PTPRB: variants seen among roughly 807,000 people sequenced by gnomAD.
PTPRB encodes receptor-type tyrosine-protein phosphatase beta.
In PTPRB, 97 loss-of-function variants were observed where a neutral mutation model predicts 238.1. The observed-to-expected ratio is 0.41, with a 90% confidence interval of 0.35 to 0.48. The LOEUF (loss-of-function observed/expected upper bound fraction) is 0.48. Ranked by LOEUF, PTPRB falls within the 20% of genes least tolerant of loss-of-function variation. PTPRB has a pLI of 0.30. For missense variants in PTPRB, 2,292 were observed against 2,681.9 expected, an observed-to-expected ratio of 0.85 and a Z score of 3.21; for synonymous variants, 970 against 995.4, an observed-to-expected ratio of 0.97 and a Z score of 0.48.
At chr12:70,584,279 T>C (rs1174611207) in intron 9 of PTPRB, among the ~76,000 whole-genome samples, 1 of 152,136 alleles carries the variant, frequency 6.6e-6, no homozygotes, top group Non-Finnish European at 1.5e-5. Flanking sequence ...GATGTGTTCA[T>C]ATATGTGTGT....
intron 16 of PTPRB, among the ~76,000 whole-genome samples, chr12:70,561,570 C>T (rs1248848469): frequency 6.6e-6 from 1 of 152,132 alleles, no homozygotes; most frequent in Non-Finnish European, 1.5e-5. Context: ...GGGTGGGTTG[C>T]CTCAGAAATG....
chr12:70,625,571 T>C (rs1566022580), intron 2 of PTPRB, among the ~76,000 whole-genome samples: 2 of 152,032 alleles, frequency 1.3e-5, no homozygotes, highest in Non-Finnish European at 2.9e-5. Flanking sequence ...TTTTATCTCC[T>C]GAACTCTTTG....
At chr12:70,593,124 G>T (rs879721217) in intron 6 of PTPRB, among the ~76,000 whole-genome samples, 14 of 152,160 alleles carry the variant, frequency 9.2e-5, no homozygotes, top group Non-Finnish European at 1.8e-4. Context: ...TAAAGTTAAT[G>T]AGTTGTGTTA....
chr12:70,549,886 C>G (rs1411678296), intron 21 of PTPRB, among the ~76,000 whole-genome samples: 1 of 148,136 alleles, frequency 6.8e-6, no homozygotes, highest in Non-Finnish European at 1.5e-5. Context: ...GAAGCCATAA[C>G]ACGAATGTGT....
intron 3 of PTPRB, chr12:70,609,776 T>C: frequency 6.3e-7 from 1 of 1,586,596 alleles, no homozygotes; most frequent in Non-Finnish European, 8.6e-7. Flanking sequence ...GCAGGCTCAG[T>C]GTGATCCACA....
chr12:70,609,014 G>C, intron 4 of PTPRB, 55 bp downstream of exon 4: 1 of 1,572,440 alleles, frequency 6.4e-7, no homozygotes, highest in Non-Finnish European at 8.7e-7. Flanking sequence ...AGCTTGAAAA[G>C]GCAGGGCCCA....
intron 11 of PTPRB, among the ~76,000 whole-genome samples, chr12:70,573,656 C>A (rs1472317409): frequency 6.6e-6 from 1 of 151,788 alleles, no homozygotes; most frequent in African/African-American, 2.4e-5. Flanking sequence ...CAGGTGCCTG[C>A]CACTACACCT....
chr12:70,623,829 C>T (rs1885054376), intron 2 of PTPRB, among the ~76,000 whole-genome samples: 1 of 152,146 alleles, frequency 6.6e-6, no homozygotes, highest in Admixed American at 6.6e-5. Context: ...ATCCTATTTT[C>T]CCTGATCTGT....
intron 18 of PTPRB, among the ~76,000 whole-genome samples, chr12:70,557,045 G>T (rs940478120): frequency 6.6e-6 from 1 of 152,214 alleles, no homozygotes; most frequent in African/African-American, 2.4e-5. Flanking sequence ...AAGGTGCTAT[G>T]TGGTGTGACA....
At chr12:70,572,775 T>TCAAAAAAAAAA (rs1377784572) in intron 11 of PTPRB, among the ~76,000 whole-genome samples, 2 of 93,964 alleles carry the variant, frequency 2.1e-5, no homozygotes, top group Admixed American at 1.1e-4. Context: ...CTCCATCTCA[T>TCAAAAAAAAAA]AAAAAAAAAA....
Position 70,556,170 on chromosome 12 carries a change from A to G in PTPRB, c.4715-22T>C, listed in dbSNP as rs769529599. 9 of 1,595,176 alleles carry G rather than the reference A, an allele frequency of 5.6e-6. 1 individual carries two copies. Among genetic ancestry groups the G allele is most frequent in the South Asian group, 3.4e-5 (3 of 88,312 alleles). On this transcript the variant is annotated intron_variant, in intron 18 of 33. Transcript: ENST00000334414. ...GGCTCTAAAGGAAACAGAGGAGGCA[A>G]CACTTTTCAGAACTCAGGGAGAATT...
At position 70,626,296 on chromosome 12, in the gene PTPRB, C is replaced by CATCTATCTATCTATCT. The variant is rs35084668; in HGVS notation, c.452-3666_452-3651dup. On this transcript the variant is annotated intron_variant, in intron 2 of 33. Coordinates refer to ENST00000334414, the MANE Select transcript of PTPRB (RefSeq NM_001109754.4). ...TAGAAAAGGATGATGTCTATCCATC[C>CATCTATCTATCTATCT]ATCTATCTATCTATCTATCTATCTA... Among the ~76,000 whole-genome samples, 64 of 91,940 alleles carry CATCTATCTATCTATCT rather than the reference C, an allele frequency of 7.0e-4. 3 individuals carry two copies. Among genetic ancestry groups the CATCTATCTATCTATCT allele is most frequent in the East Asian group, 2.0e-3 (6 of 3,028 alleles). The allele number at this position is 91,940 out of a possible 152,430, so 60.3% of individuals were successfully genotyped here.
intron 31 of PTPRB, 110 bp from the exon 32 acceptor site, chr12:70,532,280 A>C: frequency 2.3e-6 from 3 of 1,287,290 alleles, no homozygotes; most frequent in Non-Finnish European, 3.2e-6. Flanking sequence ...TTATGGGAGA[A>C]GATAGGAATA....
rs112970894 is a variant in PTPRB at position 70,544,767 on chromosome 12, C to T, written c.5388-104G>A. ...GGGCGGGTTCCTGGTCAGTGGGTAG[C>T]AGGGTAGAATATGAGTTATGGAATC... On this transcript the variant is annotated intron_variant, in intron 21 of 33. Transcript: ENST00000334414. The T allele has an allele frequency of 5.2e-3, 3,358 of 649,556 alleles. 92 individuals are homozygous for T. The African/African-American group carries it at 0.054, about 10-fold the overall frequency. The allele number at this position is 649,556 out of a possible 1,614,324, so 40.2% of individuals were successfully genotyped here.
chr12:70,624,469 G>A (rs1241007507), intron 2 of PTPRB, among the ~76,000 whole-genome samples: 2 of 152,008 alleles, frequency 1.3e-5, no homozygotes, highest in Non-Finnish European at 2.9e-5. Flanking sequence ...AGATTTATTC[G>A]TCCTTGGGGT....
intron 21 of PTPRB, among the ~76,000 whole-genome samples, chr12:70,545,939 T>A (rs1442192399): frequency 6.6e-6 from 1 of 151,908 alleles, no homozygotes; most frequent in African/African-American, 2.4e-5. Context: ...GAGTTCGAGA[T>A]CAGCCTGGCC....
At chr12:70,538,870 AAT>A (rs761340725) in intron 27 of PTPRB, 52 bp downstream of exon 27, 8 of 1,413,130 alleles carry the variant, frequency 5.7e-6, no homozygotes, top group Non-Finnish European at 7.9e-6. Context: ...TTTGGAGAAA[AAT>A]GCAGAAATGG....
chr12:70,529,760 A>G lies in PTPRB; in HGVS notation c.6504+2275T>C, dbSNP rs1872901565. On this transcript the variant is annotated intron_variant, in intron 32 of 33. Transcript: ENST00000334414. ...GCTAAAACCATTAAGTGAAGGGTTG[A>G]TGGGGATAATGAAGGGTTCAGGCTG... is the stretch of plus-strand genomic sequence containing the variant. Among the ~76,000 whole-genome samples the G allele has an allele frequency of 4.6e-5, 7 of 152,190 alleles. No individual in the cohort carries two copies. The South Asian group carries it at 1.2e-3, about 27-fold the overall frequency.
chr12:70,538,142 G>T lies in PTPRB; in HGVS notation c.5946+13C>A. 6.2e-7 allele frequency: 1 copy of T among 1,608,618 alleles called. No individual in the cohort carries two copies. Among genetic ancestry groups the T allele is most frequent in the South Asian group, 1.1e-5 (1 of 90,538 alleles). ...GCCTCATCCTGAACACTATGGCCTA[G>T]TGGGTCACTTACAGGGATGTAGCTG... On this transcript the variant is annotated intron_variant, in intron 28 of 33. Transcript: ENST00000334414.
Sources: gnomAD v4.1 joint callset for allele counts (sites outside exome capture counted in the v4.1 genomes callset) on GRCh38, gnomAD v4.1.1 for gene constraint, MANE v1.5 for transcripts, NCBI Gene and HGNC (gene_info 2026-07-23, HGNC 2026-07-21) for gene names.